KCNH1: variants seen among roughly 807,000 people sequenced by gnomAD.
KCNH1 encodes the protein voltage-gated delayed rectifier potassium channel KCNH1.
In KCNH1, 27 loss-of-function variants were observed where a neutral mutation model predicts 69.2. The observed-to-expected ratio is 0.39, with a 90% confidence interval of 0.29 to 0.54. The LOEUF (loss-of-function observed/expected upper bound fraction) is 0.54, where lower values mean the gene tolerates loss of function less well. Ranked by LOEUF, KCNH1 falls within the 20% of genes least tolerant of loss-of-function variation. The pLI, the probability that KCNH1 is intolerant of heterozygous loss-of-function variation, is 0.68. For missense variants in KCNH1, 798 were observed against 1,261.6 expected (o/e 0.63, Z 5.57); for synonymous variants, 456 against 487.7 (o/e 0.93, Z 0.86).
intron 7 of KCNH1, among the ~76,000 whole-genome samples, chr1:210,887,597 G>A (rs1441232407): frequency 6.6e-6 from 1 of 151,918 alleles, no homozygotes; most frequent in Non-Finnish European, 1.5e-5. Flanking sequence ...GACACAGACT[G>A]GCAAATTGGA....
At chr1:210,795,852 G>A (rs187144748) in intron 9 of KCNH1, among the ~76,000 whole-genome samples, 26 of 152,174 alleles carry the variant, frequency 1.7e-4, no homozygotes, top group African/African-American at 5.3e-4. Flanking sequence ...GCTGGGTGTG[G>A]TGGCTCATGC....
In KCNH1 at chr1:210,683,313, C is replaced by T. The variant is rs763784268; in HGVS notation, c.2938G>A (p.Glu980Lys). ...LFEISRPQSP[E>K]SERDIFGAS is the part of the protein sequence containing the mutation. ...GCTCCAAAAATGTCTCTCTCTGATT[C>T]TGGGGACTGTGGCCTCGATATTTCA... The change falls in exon 11 of 11, where the codon GAA (glutamate) becomes AAA (lysine). Residue 980 changes from glutamate (E) to lysine (K), a missense_variant. Transcript: ENST00000271751. This position sits in a 1 kb window ranked among gnomAD's most constrained non-coding sequence, Gnocchi z 5.7. 1.2e-6 allele frequency: 2 copies of T among 1,613,964 alleles called. No individual in the cohort carries two copies. The highest frequency in any genetic ancestry group is 2.2e-5 in the South Asian group (2 of 91,054).
chr1:211,026,928 C>T (rs886886840), intron 5 of KCNH1, among the ~76,000 whole-genome samples: 2 of 152,164 alleles, frequency 1.3e-5, no homozygotes, highest in African/African-American at 4.8e-5. Context: ...TGTATGTTTA[C>T]CCCAACCTGG....
intron 6 of KCNH1, among the ~76,000 whole-genome samples, chr1:210,987,696 G>T (rs11119652): frequency 6.6e-6 from 1 of 152,188 alleles, no homozygotes; most frequent in Admixed American, 6.5e-5. Flanking sequence ...TGCCCCTACT[G>T]GGGGGTGCCT....
At position 211,133,615 on chromosome 1, in the gene KCNH1, C is replaced by A. The variant is rs1243861816; in HGVS notation, c.79+252G>T. Among the ~76,000 whole-genome samples the A allele has an allele frequency of 2.0e-5, 3 of 152,128 alleles. No individual in the cohort carries two copies. In the East Asian group the frequency reaches 5.8e-4, roughly 29 times the overall value. ...CTGTCACGCATCCTTGGAGATAAGACCGAGAGGGCGCTAGAAAGGCCCAAA... is the reference window on the plus strand; with the variant it reads ...CTGTCACGCATCCTTGGAGATAAGAACGAGAGGGCGCTAGAAAGGCCCAAA... On this transcript the variant is annotated intron_variant, in intron 1 of 10. Coordinates refer to ENST00000271751, the MANE Select transcript of KCNH1 (RefSeq NM_172362.3). This position sits in a 1 kb window ranked among gnomAD's most constrained non-coding sequence, Gnocchi z 5.4.
At chr1:210,689,316 C>G (rs58914834) in intron 10 of KCNH1, among the ~76,000 whole-genome samples, 124 of 152,350 alleles carry the variant, frequency 8.1e-4, no homozygotes, top group African/African-American at 2.8e-3. Context: ...CCCAGCTCTT[C>G]TCGTGCCTAA....
chr1:210,946,842 TG>T (rs1687967438), intron 6 of KCNH1, among the ~76,000 whole-genome samples: 1 of 152,174 alleles, frequency 6.6e-6, no homozygotes, highest in Non-Finnish European at 1.5e-5. Flanking sequence ...CTCTTCTCAC[TG>T]TCTTCCCCTT....
chr1:210,711,298 A>G (rs185418546), intron 10 of KCNH1, among the ~76,000 whole-genome samples: 9 of 152,348 alleles, frequency 5.9e-5, no homozygotes, highest in Admixed American at 2.6e-4. Context: ...AGATGTGTGT[A>G]AATCTTAAAG....
chr1:211,005,993 G>A (rs1558564861), intron 6 of KCNH1, among the ~76,000 whole-genome samples: 1 of 152,120 alleles, frequency 6.6e-6, no homozygotes, highest in African/African-American at 2.4e-5. Context: ...TTTATGAAAC[G>A]ATGCTAAATC....
intron 6 of KCNH1, among the ~76,000 whole-genome samples, chr1:211,008,686 A>G (rs1297211421): frequency 3.9e-5 from 6 of 152,252 alleles, no homozygotes; most frequent in Admixed American, 6.5e-5. Context: ...AAAATGGAGG[A>G]GAACCTTCTA....
intron 6 of KCNH1, among the ~76,000 whole-genome samples, chr1:210,929,562 G>T (rs1196962014): frequency 6.6e-6 from 1 of 152,144 alleles, no homozygotes; most frequent in Non-Finnish European, 1.5e-5. Flanking sequence ...CAAACCCACA[G>T]CCAACATCAC....
At chr1:210,701,820 G>A (rs1285880875) in intron 10 of KCNH1, among the ~76,000 whole-genome samples, 1 of 151,986 alleles carries the variant, frequency 6.6e-6, no homozygotes, top group Non-Finnish European at 1.5e-5. Flanking sequence ...TCATCTGGCT[G>A]TTTTCCAGGC....
chr1:210,910,083 G>A (rs1359707564), intron 7 of KCNH1, among the ~76,000 whole-genome samples: 1 of 151,652 alleles, frequency 6.6e-6, no homozygotes, highest in Non-Finnish European at 1.5e-5. Context: ...TGGTCATCAA[G>A]CACCAAAAAA....
intron 7 of KCNH1, among the ~76,000 whole-genome samples, chr1:210,806,022 C>G (rs1684543076): frequency 6.6e-6 from 1 of 152,180 alleles, no homozygotes; most frequent in Non-Finnish European, 1.5e-5. Flanking sequence ...TTGGCTATTA[C>G]AAACATTCAT....
intron 3 of KCNH1, among the ~76,000 whole-genome samples, chr1:211,095,228 CTG>C (rs983851097): frequency 6.6e-6 from 1 of 152,156 alleles, no homozygotes; most frequent in African/African-American, 2.4e-5. Context: ...TATGGAAAAA[CTG>C]AGAAAAGTAA....
intron 7 of KCNH1, among the ~76,000 whole-genome samples, chr1:210,898,674 G>A (rs532926237): frequency 2.1e-5 from 3 of 142,128 alleles, no homozygotes; most frequent in African/African-American, 5.2e-5. Context: ...GGGGGCAGGC[G>A]TGGCGGCGGG....
At chr1:210,896,989 T>A (rs1558516038) in intron 7 of KCNH1, among the ~76,000 whole-genome samples, 1 of 152,198 alleles carries the variant, frequency 6.6e-6, no homozygotes, top group Non-Finnish European at 1.5e-5. Flanking sequence ...GGCAGACATA[T>A]CCTTGCCTGT....
At chr1:210,882,316 T>C (rs2102510043) in intron 7 of KCNH1, among the ~76,000 whole-genome samples, 1 of 152,262 alleles carries the variant, frequency 6.6e-6, no homozygotes, top group South Asian at 2.1e-4. Flanking sequence ...ATTCCTCAAA[T>C]GGAGATTGAG....
chr1:210,988,865 T>C (rs1362639770), intron 6 of KCNH1, among the ~76,000 whole-genome samples: 1 of 152,208 alleles, frequency 6.6e-6, no homozygotes, highest in East Asian at 1.9e-4. Flanking sequence ...AGATTAGACC[T>C]GACAATGTTC....
Sources: allele counts gnomAD v4.1 joint callset (sites outside exome capture counted in the v4.1 genomes callset), GRCh38; gene constraint gnomAD v4.1.1; non-coding constraint Gnocchi (gnomAD v3.1); transcripts MANE v1.5; gene names NCBI Gene and HGNC (gene_info 2026-07-23, HGNC 2026-07-21).